Variants in CSGALNACT1 observed in about 807,000 individuals in gnomAD.
CSGALNACT1 encodes beta4GalNAcT-1.
CSGALNACT1 carries 52 observed loss-of-function variants against 51.0 expected under a neutral mutation model. The ratio of observed to expected loss-of-function variants is 1.02; its 90% CI spans 0.82 to 1.29. CSGALNACT1 has a LOEUF of 1.29. CSGALNACT1 is among the 50% of genes most tolerant of loss of function. CSGALNACT1 has a pLI of 0.00. For missense variants in CSGALNACT1, 935 were observed against 679.2 expected (o/e 1.38, Z -4.19); for synonymous variants, 341 against 254.4 (o/e 1.34, Z -3.24).
At chr8:19,709,249 CA>C (rs1195152475) in intron 1 of CSGALNACT1, among the ~76,000 whole-genome samples, 5 of 152,296 alleles carry the variant, frequency 3.3e-5, no homozygotes, top group African/African-American at 9.6e-5. Flanking sequence ...AGCCTATGCT[CA>C]GTATCCCTTC....
chr8:19,666,811 GA>G (rs2059247609), intron 1 of CSGALNACT1, among the ~76,000 whole-genome samples: 4 of 26,354 alleles, frequency 1.5e-4, no homozygotes, highest in African/African-American at 8.3e-4. Flanking sequence ...AAGAAAGAAA[GA>G]GAGAGAGAGA....
intron 1 of CSGALNACT1, among the ~76,000 whole-genome samples, chr8:19,666,888 A>AG (rs1564384358): frequency 1.4e-4 from 20 of 140,068 alleles, no homozygotes; most frequent in African/African-American, 4.6e-4. Context: ...AAAGAAAGAG[A>AG]GAGAGGAAGT....
chr8:19,511,279 T>C (rs1048540049), intron 3 of CSGALNACT1, among the ~76,000 whole-genome samples: 1 of 152,174 alleles, frequency 6.6e-6, no homozygotes, highest in Non-Finnish European at 1.5e-5. Flanking sequence ...AAACAAGCAG[T>C]GTCTATGGGG....
intron 3 of CSGALNACT1, among the ~76,000 whole-genome samples, chr8:19,550,608 G>T (rs146950972): frequency 6.6e-6 from 1 of 151,868 alleles, no homozygotes; most frequent in South Asian, 2.1e-4. Flanking sequence ...TCTTGGTGAC[G>T]ATCCTCAAAT....
At chr8:19,489,448 A>G (rs1032360920) in intron 4 of CSGALNACT1, among the ~76,000 whole-genome samples, 2 of 152,200 alleles carry the variant, frequency 1.3e-5, no homozygotes, top group Non-Finnish European at 2.9e-5. Flanking sequence ...TCTCAAAGGA[A>G]GCATTTTCCT....
intron 1 of CSGALNACT1, among the ~76,000 whole-genome samples, chr8:19,637,886 C>T (rs545258459): frequency 2.7e-5 from 4 of 149,816 alleles, no homozygotes; most frequent in Non-Finnish European, 5.9e-5. Context: ...GAGTGCCCAG[C>T]GCTGATATTA....
intron 5 of CSGALNACT1, among the ~76,000 whole-genome samples, chr8:19,442,349 G>C (rs960876719): frequency 2.6e-5 from 4 of 152,100 alleles, no homozygotes; most frequent in African/African-American, 9.7e-5. Context: ...AGTGGATTAA[G>C]AAAATGTGGC....
At chr8:19,506,200 C>G (rs2077297333) in intron 3 of CSGALNACT1, 70 bp from the exon 3 acceptor site, 1 of 457,166 alleles carries the variant, frequency 2.2e-6, no homozygotes, top group Admixed American at 2.5e-5. Context: ...CTACGGCAAT[C>G]AATATCCAAT....
At chr8:19,549,972 T>C (rs2087546539) in intron 3 of CSGALNACT1, among the ~76,000 whole-genome samples, 2 of 152,164 alleles carry the variant, frequency 1.3e-5, no homozygotes, top group South Asian at 4.1e-4. Flanking sequence ...AAATCTCTTT[T>C]TGTTTTTAAT....
At chr8:19,520,842 G>A (rs1025152429) in intron 3 of CSGALNACT1, among the ~76,000 whole-genome samples, 3 of 152,168 alleles carry the variant, frequency 2.0e-5, no homozygotes, top group Non-Finnish European at 4.4e-5. Context: ...AGACAAGGAC[G>A]TTGAGACAGA....
chr8:19,513,248 G>A (rs1456113659), intron 3 of CSGALNACT1, among the ~76,000 whole-genome samples: 1 of 151,858 alleles, frequency 6.6e-6, no homozygotes, highest in Non-Finnish European at 1.5e-5. Context: ...GACATAGGAG[G>A]ATAGCGACAA....
At chr8:19,679,188 C>T (rs1016189334) in intron 1 of CSGALNACT1, among the ~76,000 whole-genome samples, 3 of 152,150 alleles carry the variant, frequency 2.0e-5, no homozygotes, top group African/African-American at 7.2e-5. Context: ...TGCAGTGGCT[C>T]ACACCTCTTA....
At chr8:19,651,422 C>T (rs1453181671) in intron 1 of CSGALNACT1, among the ~76,000 whole-genome samples, 2 of 152,144 alleles carry the variant, frequency 1.3e-5, no homozygotes, top group African/African-American at 4.8e-5. Flanking sequence ...ACCCATCATC[C>T]ACCTTCAGTT....
chr8:19,619,655 G>A (rs990748557), intron 1 of CSGALNACT1, among the ~76,000 whole-genome samples: 3 of 152,194 alleles, frequency 2.0e-5, no homozygotes, highest in Non-Finnish European at 4.4e-5. Context: ...AGACGAAGGA[G>A]TGTTTCCAAA....
chr8:19,679,539 G>T (rs1458633737), intron 1 of CSGALNACT1, among the ~76,000 whole-genome samples: 2 of 152,146 alleles, frequency 1.3e-5, no homozygotes, highest in Non-Finnish European at 2.9e-5. Flanking sequence ...CTCATTTTAA[G>T]GTACTGACGC....
At chr8:19,650,242 A>G (rs1240362263) in intron 1 of CSGALNACT1, among the ~76,000 whole-genome samples, 2 of 152,254 alleles carry the variant, frequency 1.3e-5, no homozygotes, top group African/African-American at 4.8e-5. Flanking sequence ...TTGTAGAATC[A>G]AATTGAAACT....
upstream of CSGALNACT1, among the ~76,000 whole-genome samples, chr8:19,684,592 G>C (rs574442690): frequency 1.3e-5 from 2 of 152,146 alleles, no homozygotes; most frequent in East Asian, 1.9e-4. Context: ...CTGGGACCCA[G>C]GGATTGCTCC....
chr8:19,505,079 T>A (rs1346291193), intron 4 of CSGALNACT1, 122 bp downstream of exon 3: 1 of 1,064,216 alleles, frequency 9.4e-7, no homozygotes, highest in Non-Finnish European at 1.5e-6. Flanking sequence ...GTCACACACA[T>A]AAAACTTTCC....
intron 1 of CSGALNACT1, among the ~76,000 whole-genome samples, chr8:19,711,001 T>C (rs983334770): frequency 1.3e-5 from 2 of 152,206 alleles, no homozygotes; most frequent in Non-Finnish European, 1.5e-5. Context: ...AGATTGGCCC[T>C]GTGGTTCATT....
Sources: gnomAD v4.1 joint callset for allele counts (sites outside exome capture counted in the v4.1 genomes callset) on GRCh38, gnomAD v4.1.1 for gene constraint, MANE v1.5 for transcripts, NCBI Gene and HGNC (gene_info 2026-07-23, HGNC 2026-07-21) for gene names.